The following AGAP1 variants were observed in gnomAD, a reference collection of about 807,000 sequenced individuals.
AGAP1 encodes ArfGAP with GTPase domain, ankyrin repeat and PH domain 1, also known as arf-GAP with GTPase, ANK repeat and PH domain-containing protein 1.
Under a neutral mutation model 105.3 loss-of-function variants are expected in AGAP1, and 29 were observed. The observed-to-expected ratio is 0.28, with a 90% CI of 0.21 to 0.38. The LOEUF (loss-of-function observed/expected upper bound fraction) is 0.38, where lower values mean the gene tolerates loss of function less well. Among genes scored for constraint, AGAP1 ranks in the 10% least tolerant of loss-of-function variants. The pLI, the probability that AGAP1 is intolerant of heterozygous loss-of-function variation, is 1.00. For missense variants in AGAP1, 998 were observed against 1,165.1 expected (o/e 0.86, Z 2.09); for synonymous variants, 509 against 485.9 (o/e 1.05, Z -0.63).
chr2:235,987,985 A>T (rs1204270226), intron 13 of AGAP1, among the ~76,000 whole-genome samples: 1 of 152,196 alleles, frequency 6.6e-6, no homozygotes, highest in Non-Finnish European at 1.5e-5. Flanking sequence ...AATCAAACCG[A>T]AAGTATGCAG....
intron 1 of AGAP1, among the ~76,000 whole-genome samples, chr2:235,629,523 A>C (rs755932935): frequency 6.6e-6 from 1 of 152,004 alleles, no homozygotes; most frequent in East Asian, 1.9e-4. Context: ...AGTGTCCAGC[A>C]CAGGGGCCAG....
Position 235,582,560 on chromosome 2 carries a change from A to G in AGAP1, c.163+87711A>G, listed in dbSNP as rs1357343930. 6.6e-6 allele frequency among the ~76,000 whole-genome samples: 1 copy of G among 152,164 alleles called. No homozygotes were observed. The highest frequency in any genetic ancestry group is 1.5e-5 in the Non-Finnish European group (1 of 68,026). ...GGTTTGGTGCCTTGAGATTAAAGGGATGCCACATTTTGAGCTTCTCAGATA... is the reference window on the plus strand; with the variant it reads ...GGTTTGGTGCCTTGAGATTAAAGGGGTGCCACATTTTGAGCTTCTCAGATA... On this transcript the variant is annotated intron_variant, in intron 1 of 17. Coordinates refer to ENST00000304032, the MANE Select transcript of AGAP1 (RefSeq NM_001037131.3). The surrounding 1 kb of genome is among the most constrained non-coding windows in gnomAD (Gnocchi z 4.7).
intron 1 of AGAP1, among the ~76,000 whole-genome samples, chr2:235,534,155 C>T (rs956822701): frequency 2.6e-5 from 4 of 152,156 alleles, no homozygotes; most frequent in East Asian, 3.9e-4. Context: ...GTGGCGTGTT[C>T]GGATTGTGCC....
intron 6 of AGAP1, among the ~76,000 whole-genome samples, chr2:235,781,774 G>A (rs931546327): frequency 6.6e-6 from 1 of 151,826 alleles, no homozygotes; most frequent in Non-Finnish European, 1.5e-5. Context: ...GCAAATTATT[G>A]TTCCCATCAC....
chr2:235,809,904 G>C (rs1028827207), intron 9 of AGAP1, among the ~76,000 whole-genome samples: 52 of 152,238 alleles, frequency 3.4e-4, no homozygotes, highest in African/African-American at 1.2e-3. Context: ...GTTCATACAA[G>C]ATCCCACTTA....
At chr2:235,938,175 A>G (rs1030725057) in intron 12 of AGAP1, among the ~76,000 whole-genome samples, 3 of 152,252 alleles carry the variant, frequency 2.0e-5, no homozygotes, top group Non-Finnish European at 2.9e-5. Context: ...CTTGCCAGGC[A>G]CAGGCCCCCA....
rs1181548355 is a variant in AGAP1, at chr2:236,062,059, G to T, written c.2114+12778G>T. On this transcript the variant is annotated intron_variant, in intron 16 of 17. Coordinates refer to ENST00000304032, the MANE Select transcript of AGAP1 (RefSeq NM_001037131.3). The surrounding 1 kb of genome is among the most constrained non-coding windows in gnomAD (Gnocchi z 4.2). ...GGCCTGGGGAGTAGAGCTCTGAGCA[G>T]GATGTGCACTGCAGCCAAATTCCTG... Among the ~76,000 whole-genome samples, 5 of 152,116 alleles carry T rather than the reference G, an allele frequency of 3.3e-5. No individual in the cohort carries two copies. The highest frequency in any genetic ancestry group is 3.3e-4 in the Admixed American group (5 of 15,278).
intron 1 of AGAP1, among the ~76,000 whole-genome samples, chr2:235,602,492 C>T (rs1945762841): frequency 6.6e-6 from 1 of 152,192 alleles, no homozygotes; most frequent in Non-Finnish European, 1.5e-5. Flanking sequence ...CACTCAGTCC[C>T]TGCTGTTCCT....
At chr2:235,771,084 G>A (rs1320416564) in intron 6 of AGAP1, among the ~76,000 whole-genome samples, 3 of 152,204 alleles carry the variant, frequency 2.0e-5, no homozygotes, top group Non-Finnish European at 4.4e-5. Context: ...CAGGTGCTGG[G>A]AGGCCCACAG....
In AGAP1 at chr2:235,797,873, T is replaced by G; in HGVS notation, c.788T>G (p.Val263Gly). The G allele has an allele frequency of 6.2e-7, 1 of 1,614,196 alleles. No individual in the cohort carries two copies. Among genetic ancestry groups the G allele is most frequent in the Non-Finnish European group, 8.5e-7 (1 of 1,180,036 alleles). The change falls in exon 7 of 18, where the codon GTG (valine) becomes GGG (glycine). Residue 263 changes from valine (V) to glycine (G), a missense_variant. Coordinates refer to ENST00000304032, the MANE Select transcript of AGAP1 (RefSeq NM_001037131.3). ...SSVCSAQVSAVHISQTSNGGG... is the reference protein window; with the variant it reads ...SSVCSAQVSAGHISQTSNGGG... ...GTCTGTTCCGCGCAGGTGTCTGCCG[T>G]GCACATCAGCCAGGTACGTTAGGTG... is the stretch of plus-strand genomic sequence containing the variant.
intron 9 of AGAP1, among the ~76,000 whole-genome samples, chr2:235,834,281 T>C (rs999977871): frequency 6.6e-6 from 1 of 152,174 alleles, no homozygotes; most frequent in Non-Finnish European, 1.5e-5. Context: ...TTCTTCCGCA[T>C]AGTATGAGGT....
chr2:236,085,215 CAAAAAA>C (rs144353985), intron 16 of AGAP1, among the ~76,000 whole-genome samples: 12 of 58,394 alleles, frequency 2.1e-4, no homozygotes, highest in African/African-American at 6.5e-4. Flanking sequence ...GACTCCGTCT[CAAAAAA>C]AAAAAAAAAA....
At chr2:235,818,058 G>A (rs576493434) in intron 9 of AGAP1, among the ~76,000 whole-genome samples, 4 of 152,298 alleles carry the variant, frequency 2.6e-5, no homozygotes, top group Non-Finnish European at 4.4e-5. Context: ...GGTTCAATCC[G>A]ATCTGCTCCC....
chr2:235,839,133 A>T (rs1043005238), intron 9 of AGAP1, among the ~76,000 whole-genome samples: 4 of 152,246 alleles, frequency 2.6e-5, no homozygotes, highest in African/African-American at 9.6e-5. Flanking sequence ...CAGGGGCCTG[A>T]GTCTGCATTT....
rs1946069749 is a variant in AGAP1, at chr2:235,609,847, T to G, written c.164-99332T>G. Among the ~76,000 whole-genome samples the G allele has an allele frequency of 6.6e-6, 1 of 152,050 alleles. No individual in the cohort carries two copies. Among genetic ancestry groups the G allele is most frequent in the Non-Finnish European group, 1.5e-5 (1 of 68,020 alleles). On this transcript the variant is annotated intron_variant, in intron 1 of 17. Transcript: ENST00000304032. The surrounding 1 kb of genome is among the most constrained non-coding windows in gnomAD (Gnocchi z 5.1). ...TTGGCAGGATTGAAGGCGCAACTCT[T>G]GGCTTCGTGTTTCAGAGGTTGGTAA...
chr2:236,100,689 G>T (rs533955098), intron 16 of AGAP1, among the ~76,000 whole-genome samples: 1 of 152,188 alleles, frequency 6.6e-6, no homozygotes, highest in South Asian at 2.1e-4. Flanking sequence ...TTAGCCAGAC[G>T]TGGTGTGGTG....
intron 16 of AGAP1, among the ~76,000 whole-genome samples, chr2:236,110,393 C>CA (rs11401711): frequency 0.44 from 63,547 of 144,926 alleles, 13,626 homozygotes; most frequent in Middle Eastern, 0.58. Context: ...CCCTTCTCTA[C>CA]AAAAAAAAAA....
intron 11 of AGAP1, among the ~76,000 whole-genome samples, chr2:235,914,817 C>T (rs899317362): frequency 5.9e-5 from 9 of 152,056 alleles, no homozygotes; most frequent in Admixed American, 3.9e-4. Context: ...GCAGGCTGTG[C>T]GACGAAAGCA....
At chr2:236,074,268 A>C (rs902682433) in intron 16 of AGAP1, among the ~76,000 whole-genome samples, 2 of 151,678 alleles carry the variant, frequency 1.3e-5, no homozygotes, top group Middle Eastern at 3.2e-3. Flanking sequence ...CTAAACAAGA[A>C]GACCCCCGGG....
Sources: gnomAD v4.1 joint callset for allele counts (sites outside exome capture counted in the v4.1 genomes callset) on GRCh38, gnomAD v4.1.1 for gene constraint, Gnocchi (gnomAD v3.1) non-coding constraint, MANE v1.5 for transcripts, NCBI Gene and HGNC (gene_info 2026-07-23, HGNC 2026-07-21) for gene names.